The following TMEM163 variants were observed in gnomAD, a reference collection of about 807,000 sequenced individuals.
The protein encoded by TMEM163 is transmembrane protein 163.
A neutral mutation model predicts 29.3 loss-of-function variants in TMEM163; 17 were observed. That is an observed-to-expected ratio of 0.58 (90% CI 0.40 to 0.87). TMEM163 has a LOEUF of 0.87. Ranked by LOEUF, TMEM163 falls within the 40% of genes least tolerant of loss-of-function variation. TMEM163 has a pLI of 0.00. For missense variants in TMEM163, 303 were observed against 381.5 expected (o/e 0.79, Z 1.71); for synonymous variants, 157 against 160.6 (o/e 0.98, Z 0.17).
rs552174731 is a variant in TMEM163, at chr2:134,519,889, C to CAAA, written c.459-16895_459-16893dup. Reference sequence around the variant, plus strand: ...TGGGTGACAGAGCAAGACCCCACCTCAAAAAAAAAAAAAAAAAAAATTCCC... The same window carrying CAAA: ...TGGGTGACAGAGCAAGACCCCACCTCAAAAAAAAAAAAAAAAAAAAAAATTCCC... On this transcript the variant is annotated intron_variant, in intron 4 of 7. Coordinates refer to ENST00000281924, the MANE Select transcript of TMEM163 (RefSeq NM_030923.5). 4.5e-3 allele frequency among the ~76,000 whole-genome samples: 436 copies of CAAA among 96,150 alleles called. 6 individuals carry two copies. The highest frequency in any genetic ancestry group is 0.015 in the African/African-American group (410 of 28,042). 63.1% of individuals were successfully genotyped at this position (96,150 alleles called of 152,430 possible).
chr2:134,718,753 G>A lies in TMEM163; in HGVS notation c.183C>T (p.Ser61=). 2 of 1,154,160 alleles carry A rather than the reference G, an allele frequency of 1.7e-6. No individual in the cohort carries two copies. Among genetic ancestry groups the A allele is most frequent in the Non-Finnish European group, 2.1e-6 (2 of 938,548 alleles). 71.5% of individuals were successfully genotyped at this position (1,154,160 alleles called of 1,614,324 possible). Residue 61 remains serine, a synonymous_variant, in exon 1 of 8, where the codon AGC becomes AGT. Coordinates refer to ENST00000281924, the MANE Select transcript of TMEM163 (RefSeq NM_030923.5). ...QVRISESGQF[S]DGLEDRGLLE... Reference sequence around the variant, plus strand: ...GCTCACCTCGGTCCTCCAGCCCGTCGCTGAACTGGCCGCTCTCGCTGATCC... The same window carrying A: ...GCTCACCTCGGTCCTCCAGCCCGTCACTGAACTGGCCGCTCTCGCTGATCC...
chr2:134,664,533 G>A (rs1683829414), intron 2 of TMEM163, among the ~76,000 whole-genome samples: 1 of 152,240 alleles, frequency 6.6e-6, no homozygotes, highest in Admixed American at 6.5e-5. Flanking sequence ...ATGTGATTCA[G>A]TAAAGGTACT....
chr2:134,524,049 C>A (rs180873988), intron 4 of TMEM163, among the ~76,000 whole-genome samples: 54 of 152,284 alleles, frequency 3.5e-4, no homozygotes, highest in African/African-American at 1.3e-3. Context: ...TATTTTAGAG[C>A]CTTGCAACCC....
chr2:134,616,625 AT>A, intron 2 of TMEM163, among the ~76,000 whole-genome samples: 1 of 152,214 alleles, frequency 6.6e-6, no homozygotes, highest in East Asian at 1.9e-4. Flanking sequence ...TTTTATTTCT[AT>A]TTTTTAATTC....
rs540141731 is a variant in TMEM163, at chr2:134,498,736, G to A, written c.555+4165C>T. On this transcript the variant is annotated intron_variant, in intron 5 of 7. Transcript: ENST00000281924. ...GGGTCATAGGTGGCAGGAGTAGCCAGAAAGGCCAGGGACAGGCAGAGCCAG... is the reference window on the plus strand; with the variant it reads ...GGGTCATAGGTGGCAGGAGTAGCCAAAAAGGCCAGGGACAGGCAGAGCCAG... Among the ~76,000 whole-genome samples the A allele has an allele frequency of 4.6e-5, 7 of 152,362 alleles. No homozygotes were observed. In the East Asian group the frequency reaches 1.4e-3, roughly 29 times the overall value.
chr2:134,697,381 G>A (rs1057314064), intron 2 of TMEM163, among the ~76,000 whole-genome samples: 5 of 151,820 alleles, frequency 3.3e-5, no homozygotes, highest in African/African-American at 1.2e-4. Flanking sequence ...GCAATTCCCA[G>A]CCTGGTTGCT....
chr2:134,611,454 C>G (rs1012061842), intron 2 of TMEM163, among the ~76,000 whole-genome samples: 2 of 152,122 alleles, frequency 1.3e-5, no homozygotes, highest in Admixed American at 6.5e-5. Flanking sequence ...TACAGCAAAG[C>G]CACTTAAAGA....
intron 4 of TMEM163, among the ~76,000 whole-genome samples, chr2:134,547,164 C>G (rs1680808686): frequency 6.6e-6 from 1 of 152,160 alleles, no homozygotes; most frequent in Non-Finnish European, 1.5e-5. Context: ...CTTAAAAACA[C>G]TTAGGCTAAT....
chr2:134,519,764 G>T (rs149194857), intron 4 of TMEM163, among the ~76,000 whole-genome samples: 1 of 150,890 alleles, frequency 6.6e-6, no homozygotes, highest in South Asian at 2.1e-4. Flanking sequence ...GGTGGTATAC[G>T]CCTGGAGTCC....
rs531608667 is a variant in TMEM163 at position 134,638,648 on chromosome 2, A to T, written c.322+74552T>A. 3.3e-5 allele frequency among the ~76,000 whole-genome samples: 5 copies of T among 152,322 alleles called. No individual in the cohort carries two copies. In the East Asian group the frequency reaches 9.6e-4, roughly 29 times the overall value. ...CCAATACAGGAGAAACCACAGAGGG[A>T]AAAATTAATTGTTAGTGCCTGATGG... On this transcript the variant is annotated intron_variant, in intron 2 of 7. Coordinates refer to ENST00000281924, the MANE Select transcript of TMEM163 (RefSeq NM_030923.5).
chr2:134,479,752 C>G (rs932101891), intron 5 of TMEM163, among the ~76,000 whole-genome samples: 1 of 152,246 alleles, frequency 6.6e-6, no homozygotes, highest in Non-Finnish European at 1.5e-5. Context: ...AGCAGAGAGA[C>G]AGTGACAGAG....
intron 6 of TMEM163, among the ~76,000 whole-genome samples, chr2:134,465,198 A>AAAAAAAAAAC (rs1352256515): frequency 0.059 from 8,556 of 144,014 alleles, 366 homozygotes; most frequent in South Asian, 0.17. Flanking sequence ...TTAAAAAAAA[A>AAAAAAAAAAC]AAAAACAAAA....
At chr2:134,527,777 T>C (rs1483466248) in intron 4 of TMEM163, among the ~76,000 whole-genome samples, 1 of 152,128 alleles carries the variant, frequency 6.6e-6, no homozygotes, top group African/African-American at 2.4e-5. Context: ...TGGAAAGCCC[T>C]CTGATGAGGT....
intron 2 of TMEM163, among the ~76,000 whole-genome samples, chr2:134,559,869 C>G (rs1048897371): frequency 6.6e-6 from 1 of 152,130 alleles, no homozygotes; most frequent in Non-Finnish European, 1.5e-5. Flanking sequence ...CAGGAAGCAG[C>G]GACTGTCATT....
intron 2 of TMEM163, among the ~76,000 whole-genome samples, chr2:134,659,845 G>A (rs1426396067): frequency 1.3e-5 from 2 of 152,044 alleles, no homozygotes; most frequent in Non-Finnish European, 2.9e-5. Flanking sequence ...GCTGAAGAGG[G>A]AGGGTCCCTT....
intron 2 of TMEM163, among the ~76,000 whole-genome samples, chr2:134,563,153 G>A (rs1211205145): frequency 5.3e-5 from 8 of 152,178 alleles, no homozygotes; most frequent in East Asian, 1.9e-4. Flanking sequence ...GACAGACACC[G>A]ATACAAGAAT....
chr2:134,596,416 T>G (rs1682084784), intron 2 of TMEM163, among the ~76,000 whole-genome samples: 1 of 152,202 alleles, frequency 6.6e-6, no homozygotes, highest in African/African-American at 2.4e-5. Context: ...AAAGATCAGA[T>G]AGTTGTAGAT....
intron 2 of TMEM163, among the ~76,000 whole-genome samples, chr2:134,567,094 G>A (rs1171732803): frequency 3.9e-5 from 6 of 152,080 alleles, no homozygotes; most frequent in African/African-American, 9.7e-5. Context: ...TCATTCCACC[G>A]TACATCCCTC....
At chr2:134,637,023 T>C (rs1683119533) in intron 2 of TMEM163, among the ~76,000 whole-genome samples, 1 of 152,250 alleles carries the variant, frequency 6.6e-6, no homozygotes, top group South Asian at 2.1e-4. Context: ...TTGGAAAGAC[T>C]GATTTGAGTA....
Sources: allele counts gnomAD v4.1 joint callset (sites outside exome capture counted in the v4.1 genomes callset), GRCh38; gene constraint gnomAD v4.1.1; transcripts MANE v1.5; gene names NCBI Gene and HGNC (gene_info 2026-07-23, HGNC 2026-07-21).